RAPGEF6: variants seen among roughly 807,000 people sequenced by gnomAD.
The protein encoded by RAPGEF6 is Rap guanine nucleotide exchange factor 6.
In RAPGEF6, 56 loss-of-function variants were observed where a neutral mutation model predicts 171.4. The observed-to-expected ratio is 0.33, with a 90% CI of 0.26 to 0.41. RAPGEF6 has a LOEUF of 0.41. Ranked by LOEUF, RAPGEF6 falls within the 10% of genes least tolerant of loss-of-function variation. RAPGEF6 has a pLI of 1.00. For missense variants in RAPGEF6, 1,674 were observed against 1,921.4 expected, an observed-to-expected ratio of 0.87 and a Z score of 2.41; for synonymous variants, 692 against 650.1, an observed-to-expected ratio of 1.06 and a Z score of -0.98.
intron 4 of RAPGEF6, among the ~76,000 whole-genome samples, chr5:131,588,050 T>G (rs1268929935): frequency 6.6e-6 from 1 of 151,984 alleles, no homozygotes; most frequent in Non-Finnish European, 1.5e-5. Context: ...TGGGAGGCAG[T>G]TTTGCTGGAT....
intron 24 of RAPGEF6, chr5:131,435,975 C>T: frequency 6.5e-7 from 1 of 1,534,728 alleles, no homozygotes; most frequent in East Asian, 2.4e-5. Context: ...TCCTTTTAGA[C>T]TTGAATCGCG....
intron 3 of RAPGEF6, among the ~76,000 whole-genome samples, chr5:131,593,163 G>A (rs1227166197): frequency 1.3e-5 from 2 of 152,030 alleles, no homozygotes; most frequent in Admixed American, 6.5e-5. Flanking sequence ...TTTTACAGGG[G>A]CTGTGATAAA....
At chr5:131,534,903 A>C (rs1321715975) in intron 6 of RAPGEF6, among the ~76,000 whole-genome samples, 1 of 152,104 alleles carries the variant, frequency 6.6e-6, no homozygotes, top group Non-Finnish European at 1.5e-5. Context: ...CCGAATCAAA[A>C]AGCAAAATTT....
At chr5:131,562,273 T>C (rs1266227263) in intron 4 of RAPGEF6, among the ~76,000 whole-genome samples, 6 of 152,068 alleles carry the variant, frequency 3.9e-5, no homozygotes, top group Non-Finnish European at 8.8e-5. Flanking sequence ...AAAATTCTTT[T>C]TAAACTTCTG....
chr5:131,547,995 A>C, intron 6 of RAPGEF6, 52 bp downstream of exon 6: 2 of 1,573,870 alleles, frequency 1.3e-6, no homozygotes, highest in Non-Finnish European at 1.7e-6. Flanking sequence ...AATTAAAGAT[A>C]CTAGATATGA....
chr5:131,479,817 CA>C, intron 15 of RAPGEF6, 64 bp from the exon 16 acceptor site: 1 of 1,524,540 alleles, frequency 6.6e-7, no homozygotes, highest in South Asian at 1.2e-5. Flanking sequence ...ATACCAACAA[CA>C]AATTTTAAGG....
intron 4 of RAPGEF6, among the ~76,000 whole-genome samples, chr5:131,585,624 G>A (rs1580626388): frequency 6.6e-6 from 1 of 152,198 alleles, no homozygotes; most frequent in South Asian, 2.1e-4. Flanking sequence ...TCACGAGTTC[G>A]AGACTAGCCT....
chr5:131,543,118 T>C (rs370780685), intron 6 of RAPGEF6, among the ~76,000 whole-genome samples: 1 of 152,152 alleles, frequency 6.6e-6, no homozygotes, highest in East Asian at 1.9e-4. Context: ...AATTTTTCTG[T>C]AACTGATGGT....
chr5:131,603,355 A>C (rs765569348), intron 2 of RAPGEF6, 28 bp from the exon 3 acceptor site: 2 of 1,414,500 alleles, frequency 1.4e-6, no homozygotes, highest in Non-Finnish European at 1.9e-6. Context: ...TGAAGATTTT[A>C]TCTTACATTT....
At chr5:131,542,965 T>C (rs1255448180) in intron 6 of RAPGEF6, among the ~76,000 whole-genome samples, 2 of 152,190 alleles carry the variant, frequency 1.3e-5, no homozygotes, top group African/African-American at 2.4e-5. Flanking sequence ...TACTTGTACA[T>C]TGTGATCAAT....
chr5:131,617,692 G>A (rs990482725), intron 1 of RAPGEF6, among the ~76,000 whole-genome samples: 7 of 152,166 alleles, frequency 4.6e-5, no homozygotes, highest in South Asian at 2.1e-4. Flanking sequence ...TCAAGAGTTC[G>A]AGACAAGGCT....
intron 4 of RAPGEF6, among the ~76,000 whole-genome samples, chr5:131,591,390 C>T (rs907746620): frequency 6.6e-6 from 1 of 152,200 alleles, no homozygotes; most frequent in Non-Finnish European, 1.5e-5. Context: ...TTAACAATTA[C>T]TTCTAACAGC....
At chr5:131,466,269 A>C (rs1435292732) in intron 17 of RAPGEF6, among the ~76,000 whole-genome samples, 2 of 152,164 alleles carry the variant, frequency 1.3e-5, no homozygotes, top group African/African-American at 4.8e-5. Flanking sequence ...AGAAGGATGC[A>C]TCAAACTCTC....
chr5:131,502,310 T>C (rs1219413654), intron 11 of RAPGEF6, among the ~76,000 whole-genome samples: 3 of 152,258 alleles, frequency 2.0e-5, no homozygotes, highest in Non-Finnish European at 2.9e-5. Context: ...TAGAAGTTTG[T>C]ATTCAGTGCA....
Position 131,510,481 on chromosome 5 carries a change from C to T in RAPGEF6, c.638G>A (p.Ser213Asn), listed in dbSNP as rs1269793138. The change falls in exon 8 of 28, where the codon AGT (serine) becomes AAT (asparagine). Residue 213 changes from serine to asparagine, a missense_variant. Ser to Asn is a conservative substitution (Grantham distance 46). Coordinates refer to ENST00000509018, the MANE Select transcript of RAPGEF6 (RefSeq NM_016340.6). ...TGTCAAATCTACATCTCCTACCTCACTCTCCGTAGCCTATGAAAAGAAATC... is the reference window on the plus strand; with the variant it reads ...TGTCAAATCTACATCTCCTACCTCATTCTCCGTAGCCTATGAAAAGAAATC... ...SLSDIYQATE[S>N]EVGDVDLTRL... The T allele has an allele frequency of 6.2e-7, 1 of 1,613,194 alleles. No homozygotes were observed. Among genetic ancestry groups the T allele is most frequent in the African/African-American group, 1.3e-5 (1 of 74,984 alleles).
intron 22 of RAPGEF6, among the ~76,000 whole-genome samples, chr5:131,445,031 C>T (rs1353910655): frequency 3.3e-5 from 5 of 152,150 alleles, no homozygotes; most frequent in African/African-American, 4.8e-5. Context: ...TTAATAACTT[C>T]GACGTACAAA....
At chr5:131,537,859 C>T (rs1181226466) in intron 6 of RAPGEF6, among the ~76,000 whole-genome samples, 1 of 151,870 alleles carries the variant, frequency 6.6e-6, no homozygotes, top group East Asian at 1.9e-4. Context: ...TTTGGGAGGC[C>T]GAGGCAGGCT....
chr5:131,558,239 G>A (rs1197693920), intron 5 of RAPGEF6, among the ~76,000 whole-genome samples: 4 of 147,228 alleles, frequency 2.7e-5, no homozygotes, highest in Non-Finnish European at 4.5e-5. Context: ...TTTTTTCCAA[G>A]GAATTTGACT....
At chr5:131,538,509 GGTCT>G (rs1255252856) in intron 6 of RAPGEF6, among the ~76,000 whole-genome samples, 1 of 152,136 alleles carries the variant, frequency 6.6e-6, no homozygotes, top group Non-Finnish European at 1.5e-5. Context: ...TCATTTATGT[GGTCT>G]GTCATTACGC....
Sources: gnomAD v4.1 joint callset for allele counts (sites outside exome capture counted in the v4.1 genomes callset) on GRCh38, gnomAD v4.1.1 for gene constraint, MANE v1.5 for transcripts, NCBI Gene and HGNC (gene_info 2026-07-23, HGNC 2026-07-21) for gene names.